The following BPIFC variants were observed in gnomAD, a reference collection of about 807,000 sequenced individuals.
The protein encoded by BPIFC is BPI fold containing family C.
BPIFC carries 60 observed loss-of-function variants against 57.6 expected under a neutral mutation model. That is an observed-to-expected ratio of 1.04 (90% confidence interval 0.85 to 1.29). The LOEUF (loss-of-function observed/expected upper bound fraction) is 1.29. BPIFC is among the 50% of genes most tolerant of loss of function. BPIFC has a pLI of 0.00. For missense variants in BPIFC, 581 were observed against 600.5 expected, an observed-to-expected ratio of 0.97 and a Z score of 0.34; for synonymous variants, 243 against 224.5, an observed-to-expected ratio of 1.08 and a Z score of -0.74.
intron 12 of BPIFC, 120 bp from the exon 13 acceptor site, chr22:32,431,534 G>A: frequency 1.5e-6 from 1 of 688,702 alleles, no homozygotes; most frequent in Non-Finnish European, 2.4e-6. Flanking sequence ...AAAGACATTG[G>A]AAGTCTAAAA....
chr22:32,419,205 T>A (rs986742951), intron 14 of BPIFC, among the ~76,000 whole-genome samples, 157 bp downstream of exon 14: 1 of 152,148 alleles, frequency 6.6e-6, no homozygotes, highest in African/African-American at 2.4e-5. Flanking sequence ...TGGGCTCAAT[T>A]GATGAGTAGC....
At chr22:32,424,574 TTTCTTCTTCTTCTTCTTC>T (rs148930460) in intron 13 of BPIFC, among the ~76,000 whole-genome samples, 2 of 68,964 alleles carry the variant, frequency 2.9e-5, no homozygotes, top group Non-Finnish European at 5.1e-5. Flanking sequence ...TGTTATTTTC[TTTCTTCTTCTTCTTCTTC>T]TTCTTCTTCT....
intron 4 of BPIFC, among the ~76,000 whole-genome samples, chr22:32,447,726 T>C (rs4821065): frequency 0.84 from 126,714 of 151,314 alleles, 53,305 homozygotes; most frequent in South Asian, 0.92. Flanking sequence ...CTGCCTCAGC[T>C]TTCCAAACAG....
intron 8 of BPIFC, 44 bp from the exon 9 acceptor site, chr22:32,437,895 G>C (rs1934454244): frequency 8.5e-7 from 1 of 1,181,004 alleles, no homozygotes; most frequent in Non-Finnish European, 1.2e-6. Context: ...ATTCATTAAA[G>C]GCATAGTATA....
chr22:32,438,973 T>C (rs1458297167), intron 8 of BPIFC, among the ~76,000 whole-genome samples: 1 of 152,150 alleles, frequency 6.6e-6, no homozygotes, highest in Non-Finnish European at 1.5e-5. Context: ...TGTATTATCA[T>C]TTTCAGAATA....
intron 11 of BPIFC, among the ~76,000 whole-genome samples, chr22:32,432,792 A>G (rs567911171): frequency 6.6e-6 from 1 of 152,304 alleles, no homozygotes; most frequent in East Asian, 1.9e-4. Context: ...TCTTCAGAAA[A>G]TCCCTGTGAG....
At chr22:32,442,996 G>A (rs1043986549) in intron 7 of BPIFC, among the ~76,000 whole-genome samples, 53 of 152,064 alleles carry the variant, frequency 3.5e-4, no homozygotes, top group African/African-American at 1.2e-3. Flanking sequence ...AGCCCTTGTC[G>A]TTTCTTTCTG....
chr22:32,442,677 G>C lies in BPIFC; in HGVS notation c.649C>G (p.Leu217Val), dbSNP rs752889505. ...VKALNANLST[L>V]EVLTKIDNYT... ...AGACAGTTCTAAGACTCACCCTCCA[G>C]TGTGCTGAGGTTGGCATTTAGCGCT... Residue 217 changes from leucine to valine, a missense_variant, in exon 8 of 17, where the codon CTG (leucine) becomes GTG (valine). Leu to Val is a conservative substitution (Grantham distance 32). Coordinates refer to ENST00000300399, the MANE Select transcript of BPIFC (RefSeq NM_174932.3). 6.2e-7 allele frequency: 1 copy of C among 1,613,422 alleles called. No homozygotes were observed. The highest frequency in any genetic ancestry group is 1.1e-5 in the South Asian group (1 of 91,014).
chr22:32,451,850 C>T (rs1201320197), intron 4 of BPIFC, among the ~76,000 whole-genome samples: 1 of 152,012 alleles, frequency 6.6e-6, no homozygotes, highest in Admixed American at 6.6e-5. Flanking sequence ...ATTTAATGTC[C>T]ATCTCTCCCA....
chr22:32,438,056 T>C (rs17691669), intron 8 of BPIFC, among the ~76,000 whole-genome samples: 8,843 of 152,274 alleles, frequency 0.058, 341 homozygotes, highest in Middle Eastern at 0.11. Context: ...TTTTTCCAAG[T>C]GTATTACTCT....
At chr22:32,424,416 A>T (rs1415549304) in intron 13 of BPIFC, among the ~76,000 whole-genome samples, 1 of 152,112 alleles carries the variant, frequency 6.6e-6, no homozygotes, top group African/African-American at 2.4e-5. Context: ...CTATTTCAGC[A>T]CAACCAGTTC....
intron 14 of BPIFC, 109 bp downstream of exon 14, chr22:32,419,253 G>C (rs185456915): frequency 4.3e-6 from 5 of 1,159,354 alleles, no homozygotes; most frequent in Non-Finnish European, 6.2e-6. Flanking sequence ...TACAATTATG[G>C]AGGAATCAAG....
intron 4 of BPIFC, 164 bp downstream of exon 4, chr22:32,453,219 T>G: frequency 4.1e-6 from 2 of 484,990 alleles, no homozygotes; most frequent in Non-Finnish European, 7.0e-6. Flanking sequence ...GTGGCCATAT[T>G]GAGCCATGAG....
Position 32,457,295 on chromosome 22 carries a change from T to C in BPIFC, c.92A>G (p.Lys31Arg). Residue 31 changes from lysine to arginine, a missense_variant, in exon 3 of 17, where the codon AAG becomes AGG. Transcript: ENST00000300399. ...AAGTGCCCTCTGAGTAATCCTTGCCTTGATTCCAGGGTAAATGGTCTGAGA... is the reference window on the plus strand; with the variant it reads ...AAGTGCCCTCTGAGTAATCCTTGCCCTGATTCCAGGGTAAATGGTCTGAGA... ...SSSQTIYPGI[K>R]ARITQRALDY... The C allele has an allele frequency of 1.2e-6, 2 of 1,607,384 alleles. No homozygotes were observed. Among genetic ancestry groups the C allele is most frequent in the Non-Finnish European group, 1.7e-6 (2 of 1,178,500 alleles).
At chr22:32,450,632 C>T (rs9609555) in intron 4 of BPIFC, among the ~76,000 whole-genome samples, 57,525 of 151,356 alleles carry the variant, frequency 0.38, 11,888 homozygotes, top group African/African-American at 0.54. Flanking sequence ...TTCAAAATCT[C>T]GTATGTATCT....
intron 4 of BPIFC, among the ~76,000 whole-genome samples, chr22:32,449,950 G>A (rs891521459): frequency 2.0e-5 from 3 of 151,776 alleles, no homozygotes; most frequent in Non-Finnish European, 4.4e-5. Context: ...TAGCCAGGAT[G>A]GTCTCGATCT....
At position 32,442,660 on chromosome 22, in the gene BPIFC, C is replaced by T; in HGVS notation, c.655+11G>A. The T allele has an allele frequency of 6.2e-7, 1 of 1,612,204 alleles. No homozygotes were observed. Among genetic ancestry groups the T allele is most frequent in the Non-Finnish European group, 8.5e-7 (1 of 1,178,398 alleles). On this transcript the variant is annotated intron_variant, in intron 8 of 16. Coordinates refer to ENST00000300399, the MANE Select transcript of BPIFC (RefSeq NM_174932.3). ...AGACAACCATCTGGAAAAGACAGTT[C>T]TAAGACTCACCCTCCAGTGTGCTGA...
Position 32,442,685 on chromosome 22 carries a change from A to C in BPIFC, c.641T>G (p.Leu214Arg), listed in dbSNP as rs764462763. The change falls in exon 8 of 17, where the codon CTC becomes CGC. Residue 214 changes from leucine to arginine, a missense_variant. Leu to Arg is a moderately radical substitution (Grantham distance 102). Coordinates refer to ENST00000300399, the MANE Select transcript of BPIFC (RefSeq NM_174932.3). ...CTAAGACTCACCCTCCAGTGTGCTG[A>C]GGTTGGCATTTAGCGCTTTGACTTC... ...ASEVKALNANLSTLEVLTKID... is the reference protein window; with the variant it reads ...ASEVKALNANRSTLEVLTKID... The C allele has an allele frequency of 6.2e-7, 1 of 1,613,930 alleles. No homozygotes were observed. The highest frequency in any genetic ancestry group is 2.2e-5 in the East Asian group (1 of 44,876).
chr22:32,414,202 G>A lies in BPIFC; in HGVS notation c.*101C>T. ...AACTTTCTGCCTAAGCAATTCACAAGGGCTTTACAATTCCAGTGTGTACTG... is the reference window on the plus strand; with the variant it reads ...AACTTTCTGCCTAAGCAATTCACAAAGGCTTTACAATTCCAGTGTGTACTG... On this transcript the variant is annotated 3_prime_UTR_variant, in exon 17 of 17. Coordinates refer to ENST00000300399, the MANE Select transcript of BPIFC (RefSeq NM_174932.3). 1.4e-6 allele frequency: 2 copies of A among 1,476,112 alleles called. No individual in the cohort carries two copies. The highest frequency in any genetic ancestry group is 1.8e-4 in the Middle Eastern group (1 of 5,502). The allele number at this position is 1,476,112 out of a possible 1,614,324, so 91.4% of individuals were successfully genotyped here.
Sources: gnomAD v4.1 joint callset for allele counts (sites outside exome capture counted in the v4.1 genomes callset) on GRCh38, gnomAD v4.1.1 for gene constraint, MANE v1.5 for transcripts, NCBI Gene and HGNC (gene_info 2026-07-23, HGNC 2026-07-21) for gene names.